SMG1: variants seen among roughly 807,000 people sequenced by gnomAD.
The protein encoded by SMG1 is SMG1 nonsense mediated mRNA decay associated PI3K related kinase, also known as serine/threonine-protein kinase SMG1.
In SMG1, 22 loss-of-function variants were observed where a neutral mutation model predicts 419.9. That is an observed-to-expected ratio of 0.05 (90% CI 0.04 to 0.07). The LOEUF (loss-of-function observed/expected upper bound fraction) is 0.07. Ranked by LOEUF, SMG1 falls within the 10% of genes least tolerant of loss-of-function variation. The pLI, the probability that SMG1 is intolerant of heterozygous loss-of-function variation, is 1.00. For missense variants in SMG1, 3,185 were observed against 4,342.0 expected (o/e 0.73, Z 7.49); for synonymous variants, 1,538 against 1,553.5 (o/e 0.99, Z 0.23).
intron 28 of SMG1, chr16:18,858,704 G>C (rs1444967318): frequency 4.2e-6 from 1 of 240,332 alleles, no homozygotes; most frequent in African/African-American, 2.3e-5. Context: ...AGGATGAAGA[G>C]GAGAGATCTT....
At chr16:18,901,846 C>G (rs2037357392) in intron 1 of SMG1, among the ~76,000 whole-genome samples, 2 of 150,838 alleles carry the variant, frequency 1.3e-5, no homozygotes. Flanking sequence ...TGGTGACGGG[C>G]ACCTGTAATA....
At chr16:18,815,119 C>T in intron 60 of SMG1, 56 bp downstream of exon 60, 1 of 1,097,602 alleles carries the variant, frequency 9.1e-7, no homozygotes, top group Non-Finnish European at 1.4e-6. Context: ...AATTAAACAT[C>T]TTAGCATCTA....
At chr16:18,874,328 G>A (rs942150245) in intron 13 of SMG1, among the ~76,000 whole-genome samples, 36 of 151,486 alleles carry the variant, frequency 2.4e-4, no homozygotes, top group Non-Finnish European at 1.5e-4. Context: ...TAGTAGAGGC[G>A]AGGTTTCACC....
rs1382435237 is a variant in SMG1, at chr16:18,812,136, A to G, written c.10622-9T>C. The stretch of plus-strand genomic sequence containing the variant: ...AGTGTTACTCCGGACTGCTACAGAG[A>G]AAGAGTTGGTGGCTCAATTTACATG... On this transcript the variant is annotated splice_polypyrimidine_tract_variant and intron_variant, in intron 60 of 62. Transcript: ENST00000446231. The G allele has an allele frequency of 3.1e-6, 5 of 1,606,912 alleles. No homozygotes were observed. The highest frequency in any genetic ancestry group is 2.2e-5 in the East Asian group (1 of 44,860).
At chr16:18,908,138 G>A (rs1222458737) in intron 1 of SMG1, among the ~76,000 whole-genome samples, 1 of 152,028 alleles carries the variant, frequency 6.6e-6, no homozygotes. Flanking sequence ...GCCTGAGGCA[G>A]GCAGATTACC....
intron 11 of SMG1, chr16:18,879,258 G>A: frequency 2.0e-6 from 1 of 497,794 alleles, no homozygotes; most frequent in Non-Finnish European, 3.7e-6. Context: ...TAGGACTACA[G>A]GTGCACGCCA....
In SMG1 at chr16:18,880,967, GAA is replaced by G. The variant is rs71141085; in HGVS notation, c.1293+1196_1293+1197del. Among the ~76,000 whole-genome samples the G allele has an allele frequency of 5.6e-3, 604 of 107,136 alleles. 8 individuals carry two copies. The highest frequency in any genetic ancestry group is 0.019 in the African/African-American group (568 of 30,612). 70.3% of individuals were successfully genotyped at this position (107,136 alleles called of 152,430 possible). The stretch of plus-strand genomic sequence containing the variant: ...TGATGGCACCACCCCACTTTAAAAA[GAA>G]AAAAAAAAAAAAAAGCTGGGTATGG... On this transcript the variant is annotated intron_variant, in intron 10 of 62. Transcript: ENST00000446231.
Position 18,847,488 on chromosome 16 carries a change from C to T in SMG1, c.5961G>A (p.Glu1987=). 6.2e-7 allele frequency: 1 copy of T among 1,614,016 alleles called. No homozygotes were observed. Among genetic ancestry groups the T allele is most frequent in the Non-Finnish European group, 8.5e-7 (1 of 1,179,884 alleles). ...VLRRIQQLED[E]VKRVQNNNTL... ...TGTTGTTGTTCTGGACTCTCTTCACCTCATCTTCAAGCTGCTGAATTCGTC... is the reference window on the plus strand; with the variant it reads ...TGTTGTTGTTCTGGACTCTCTTCACTTCATCTTCAAGCTGCTGAATTCGTC... Residue 1987 remains glutamate (E), a synonymous_variant, in exon 38 of 63, where the codon GAG becomes GAA. Transcript: ENST00000446231.
Position 18,858,186 on chromosome 16 carries a change from C to A in SMG1, c.4218G>T (p.Leu1406Phe). Residue 1406 changes from leucine (L) to phenylalanine (F), a missense_variant, in exon 29 of 63, where the codon TTG (leucine) becomes TTT (phenylalanine). By Grantham distance (22) the Leu-to-Phe change is conservative. Transcript: ENST00000446231. ...ACCACTTACCTTTAATTTTCTCCAA[C>A]AACTGATTCTGGTACATAGTATACC... ...ALRYTMYQNQ[L>F]LEKIKEQTVP... 1 of 1,570,374 alleles carries A rather than the reference C, an allele frequency of 6.4e-7. No individual in the cohort carries two copies. The highest frequency in any genetic ancestry group is 1.4e-5 in the African/African-American group (1 of 73,628).
Position 18,835,956 on chromosome 16 carries a change from C to T in SMG1, c.8034G>A (p.Glu2678=), listed in dbSNP as rs1425911767. 7 of 1,552,764 alleles carry T rather than the reference C, an allele frequency of 4.5e-6. No homozygotes were observed. The African/African-American group carries it at 6.8e-5, about 15-fold the overall frequency. The part of the protein sequence containing the change: ...MEELICNTTV[E]RCQELYRKYE... ...ACTTCCTATAGAGCTCTTGACAACG[C>T]TCTACTGTGGTGTTACAGATGAGCT... Residue 2678 remains glutamate, a synonymous_variant, in exon 48 of 63, where the codon GAG becomes GAA. Coordinates refer to ENST00000446231, the MANE Select transcript of SMG1 (RefSeq NM_015092.5).
At chr16:18,810,364 T>C (rs781574812) in intron 62 of SMG1, among the ~76,000 whole-genome samples, 5 of 152,222 alleles carry the variant, frequency 3.3e-5, no homozygotes, top group Non-Finnish European at 7.3e-5. Flanking sequence ...AGGCACATTC[T>C]GTAAACCAAC....
intron 1 of SMG1, among the ~76,000 whole-genome samples, chr16:18,898,005 G>C (rs1219801061): frequency 6.6e-6 from 1 of 152,192 alleles, no homozygotes; most frequent in African/African-American, 2.4e-5. Flanking sequence ...GGCAAGGCCA[G>C]ACACTAAGCT....
intron 55 of SMG1, among the ~76,000 whole-genome samples, chr16:18,826,993 T>C (rs2032728521): frequency 2.5e-5 from 1 of 40,338 alleles, no homozygotes; most frequent in Non-Finnish European, 6.9e-5. Flanking sequence ...CTGAAAAGCG[T>C]AATATTCGGG....
chr16:18,881,909 T>TA (rs1215910583), intron 10 of SMG1, among the ~76,000 whole-genome samples: 1 of 151,996 alleles, frequency 6.6e-6, no homozygotes, highest in East Asian at 1.9e-4. Flanking sequence ...AACGAAAGAA[T>TA]AAGATTTAAA....
At chr16:18,918,955 CCCCTTTACAAAG>C (rs1465013616) in intron 1 of SMG1, among the ~76,000 whole-genome samples, 3 of 152,172 alleles carry the variant, frequency 2.0e-5, no homozygotes, top group African/African-American at 7.2e-5. Context: ...CACATGCTCT[CCCCTTTACAAAG>C]CCCTTTACTT....
intron 58 of SMG1, 100 bp downstream of exon 58, chr16:18,816,202 T>C (rs2291661): frequency 0.35 from 322,884 of 922,568 alleles, 60,242 homozygotes; most frequent in Non-Finnish European, 0.39. Flanking sequence ...ATGAGATAAA[T>C]TGTTATTTAC....
Position 18,812,060 on chromosome 16 carries a change from G to C in SMG1, c.10689C>G (p.Ile3563Met), listed in dbSNP as rs1567307359. 1.2e-6 allele frequency: 2 copies of C among 1,613,884 alleles called. No individual in the cohort carries two copies. The highest frequency in any genetic ancestry group is 8.5e-7 in the Non-Finnish European group (1 of 1,179,828). ...CAGCTGATGTAGCAAGATTTTTTTG[G>C]ATCAGCTTTCTAGCATTCTGTGACA... The part of the protein sequence containing the change: ...DVMSQNARKL[I>M]QKNLATSADT... The change falls in exon 61 of 63, where the codon ATC becomes ATG. Residue 3563 changes from isoleucine (I) to methionine (M), a missense_variant. Physicochemically the swap from Ile to Met is conservative, Grantham distance 10. Coordinates refer to ENST00000446231, the MANE Select transcript of SMG1 (RefSeq NM_015092.5).
chr16:18,911,037 T>C (rs190712787), intron 1 of SMG1, among the ~76,000 whole-genome samples: 203 of 152,294 alleles, frequency 1.3e-3, no homozygotes, highest in African/African-American at 4.6e-3. Context: ...CTCCAATCTA[T>C]GCAAATAGTC....
chr16:18,919,766 A>C (rs2038122758), intron 1 of SMG1, among the ~76,000 whole-genome samples: 1 of 151,564 alleles, frequency 6.6e-6, no homozygotes, highest in Non-Finnish European at 1.5e-5. Flanking sequence ...AAAAACAAAC[A>C]AACCTTCCAT....
Sources: allele counts gnomAD v4.1 joint callset (sites outside exome capture counted in the v4.1 genomes callset), GRCh38; gene constraint gnomAD v4.1.1; transcripts MANE v1.5; gene names NCBI Gene and HGNC (gene_info 2026-07-23, HGNC 2026-07-21).